The following KIFBP variants were observed in gnomAD, a reference collection of about 807,000 sequenced individuals.
The protein encoded by KIFBP is KIF-binding protein.
KIFBP carries 46 observed loss-of-function variants against 58.9 expected under a neutral mutation model. The ratio of observed to expected loss-of-function variants is 0.78; its 90% CI spans 0.62 to 1.00. The LOEUF is 1.00. KIFBP is among the 50% of genes least tolerant of loss of function. KIFBP has a pLI of 0.00. For missense variants in KIFBP, 651 were observed against 752.9 expected, an observed-to-expected ratio of 0.86 and a Z score of 1.58; for synonymous variants, 241 against 283.4, an observed-to-expected ratio of 0.85 and a Z score of 1.50.
intron 1 of KIFBP, chr10:68,995,080 G>A (rs1002809238): frequency 2.6e-5 from 4 of 151,970 alleles, no homozygotes; most frequent in Non-Finnish European, 5.9e-5. Flanking sequence ...GTGCAGTGGT[G>A]GGATTTCGGC....
At chr10:68,998,607 G>A (rs1225453299) in intron 1 of KIFBP, among the ~76,000 whole-genome samples, 2 of 151,332 alleles carry the variant, frequency 1.3e-5, no homozygotes, top group Non-Finnish European at 2.9e-5. Context: ...TTGAGGTTAA[G>A]AATTTCTGCA....
intron 4 of KIFBP, among the ~76,000 whole-genome samples, chr10:69,007,962 G>A (rs962951371): frequency 3.9e-5 from 6 of 152,180 alleles, no homozygotes; most frequent in African/African-American, 1.4e-4. Flanking sequence ...TGGTAAAGCA[G>A]TTCCATAAGG....
At chr10:68,995,534 T>G (rs1843395123) in intron 1 of KIFBP, among the ~76,000 whole-genome samples, 1 of 152,222 alleles carries the variant, frequency 6.6e-6, no homozygotes, top group South Asian at 2.1e-4. Context: ...ATTGTTGAAC[T>G]GAATTCACTA....
chr10:68,990,410 A>ATGG (rs938048629), intron 1 of KIFBP, among the ~76,000 whole-genome samples: 2 of 152,066 alleles, frequency 1.3e-5, no homozygotes, highest in Admixed American at 6.6e-5. Flanking sequence ...CTAGCCAGGC[A>ATGG]TGGTGGTACA....
chr10:68,994,271 A>C (rs1843380961), intron 1 of KIFBP, among the ~76,000 whole-genome samples: 1 of 152,214 alleles, frequency 6.6e-6, no homozygotes, highest in African/African-American at 2.4e-5. Flanking sequence ...TTATATATAC[A>C]CATATAGTAA....
chr10:69,015,628 A>C lies in KIFBP; in HGVS notation c.1078A>C (p.Lys360Gln), dbSNP rs756300309. Residue 360 changes from lysine to glutamine, a missense_variant, in exon 7 of 7, where the codon AAA (lysine) becomes CAA (glutamine). Coordinates refer to ENST00000361983, the MANE Select transcript of KIFBP (RefSeq NM_015634.4). Reference protein sequence around the residue: ...KELDEEESIRKKAVQFGTGEL... With the variant: ...KELDEEESIRQKAVQFGTGEL... ...ACTAGATGAGGAGGAAAGCATTCGG[A>C]AAAAAGCTGTGCAGTTTGGAACCGG... 1 of 1,613,850 alleles carries C rather than the reference A, an allele frequency of 6.2e-7. No homozygotes were observed. The highest frequency in any genetic ancestry group is 1.7e-5 in the Admixed American group (1 of 59,972).
At chr10:69,013,675 T>G (rs1843615947) in intron 6 of KIFBP, among the ~76,000 whole-genome samples, 1 of 152,216 alleles carries the variant, frequency 6.6e-6, no homozygotes, top group South Asian at 2.1e-4. Flanking sequence ...GTTTCTAGTC[T>G]GGGAACTTAA....
At chr10:69,003,250 T>G (rs537775738) in intron 2 of KIFBP, among the ~76,000 whole-genome samples, 1 of 152,238 alleles carries the variant, frequency 6.6e-6, no homozygotes, top group East Asian at 1.9e-4. Flanking sequence ...ATATATTGAT[T>G]AATTCCCCTC....
chr10:69,013,115 C>G (rs192680619), intron 6 of KIFBP, among the ~76,000 whole-genome samples: 2 of 152,168 alleles, frequency 1.3e-5, no homozygotes, highest in African/African-American at 4.8e-5. Context: ...CACTCATTAC[C>G]ACAAGAACAG....
Position 69,015,626 on chromosome 10 carries a change from G to A in KIFBP, c.1076G>A (p.Arg359Gln), listed in dbSNP as rs371267544. The A allele has an allele frequency of 3.3e-5, 53 of 1,613,702 alleles. No individual in the cohort carries two copies. Among genetic ancestry groups the A allele is most frequent in the South Asian group, 1.6e-4 (15 of 91,070 alleles). Residue 359 changes from arginine to glutamine, a missense_variant, in exon 7 of 7, where the codon CGG becomes CAG. Arg to Gln is a conservative substitution (Grantham distance 43). Transcript: ENST00000361983. ...GAACTAGATGAGGAGGAAAGCATTCGGAAAAAAGCTGTGCAGTTTGGAACC... is the reference window on the plus strand; with the variant it reads ...GAACTAGATGAGGAGGAAAGCATTCAGAAAAAAGCTGTGCAGTTTGGAACC... ...KKELDEEESI[R>Q]KKAVQFGTGE... is the part of the protein sequence containing the mutation.
intron 5 of KIFBP, 48 bp downstream of exon 5, chr10:69,008,973 T>A (rs1843564685): frequency 6.8e-7 from 1 of 1,468,886 alleles, no homozygotes; most frequent in South Asian, 1.1e-5. Context: ...AAAAGTTTTA[T>A]TTTGAAATTA....
At chr10:69,009,889 C>G (rs1296996631) in intron 5 of KIFBP, among the ~76,000 whole-genome samples, 1 of 152,108 alleles carries the variant, frequency 6.6e-6, no homozygotes, top group Non-Finnish European at 1.5e-5. Context: ...ATCATGTCTT[C>G]CTTACAAATG....
At chr10:68,989,481 C>G in intron 1 of KIFBP, 1 of 599,186 alleles carries the variant, frequency 1.7e-6, no homozygotes, top group Non-Finnish European at 3.0e-6. Context: ...CCCCAGACTC[C>G]GTGTCCACCC....
In KIFBP at chr10:69,000,684, T is replaced by G. The variant is rs539058647; in HGVS notation, c.525+162T>G. ...ACCTCATAGCTGAAATTATTGCATA[T>G]TAAAGACTTCAGGGTTTTAAAAAAA... On this transcript the variant is annotated intron_variant, in intron 2 of 6. Transcript: ENST00000361983. Among the ~76,000 whole-genome samples the G allele has an allele frequency of 5.9e-5, 9 of 152,338 alleles. No individual in the cohort carries two copies. The South Asian group carries it at 1.9e-3, about 32-fold the overall frequency.
chr10:69,000,946 G>A (rs1420651562), intron 2 of KIFBP, among the ~76,000 whole-genome samples: 1 of 152,116 alleles, frequency 6.6e-6, no homozygotes, highest in Non-Finnish European at 1.5e-5. Flanking sequence ...AATCTGGAGA[G>A]CTCATGAAAG....
At chr10:69,001,871 A>G (rs1013135326) in intron 2 of KIFBP, among the ~76,000 whole-genome samples, 25 of 151,944 alleles carry the variant, frequency 1.6e-4, no homozygotes, top group African/African-American at 5.8e-4. Flanking sequence ...CATGCGTCAG[A>G]ATGCTTGACT....
intron 1 of KIFBP, chr10:68,991,287 C>T (rs1298529882): frequency 5.4e-6 from 1 of 186,006 alleles, no homozygotes; most frequent in African/African-American, 2.4e-5. Flanking sequence ...ATGGAGTCAT[C>T]TTTCCAGACT....
At chr10:69,004,747 C>T (rs1843512572) in intron 2 of KIFBP, among the ~76,000 whole-genome samples, 1 of 151,980 alleles carries the variant, frequency 6.6e-6, no homozygotes, top group East Asian at 1.9e-4. Flanking sequence ...ACCTGTGGTT[C>T]CAGCTACTCA....
At chr10:69,008,950 C>A in intron 5 of KIFBP, 25 bp downstream of exon 5, 2 of 1,562,676 alleles carry the variant, frequency 1.3e-6, no homozygotes, top group Non-Finnish European at 1.8e-6. Flanking sequence ...GCATGTTTTA[C>A]ATAGCTTTTA....
Sources: allele counts gnomAD v4.1 joint callset (sites outside exome capture counted in the v4.1 genomes callset), GRCh38; gene constraint gnomAD v4.1.1; transcripts MANE v1.5; gene names NCBI Gene and HGNC (gene_info 2026-07-23, HGNC 2026-07-21).